The following HDAC9 variants were observed in gnomAD, a reference collection of about 807,000 sequenced individuals.
HDAC9 encodes the protein MEF-2 interacting transcription repressor (MITR) protein.
Under a neutral mutation model 139.4 loss-of-function variants are expected in HDAC9, and 41 were observed. That is an observed-to-expected ratio of 0.29 (90% CI 0.23 to 0.38). HDAC9 has a LOEUF of 0.38. Among genes scored for constraint, HDAC9 ranks in the 10% least tolerant of loss-of-function variants. The pLI, the probability that HDAC9 is intolerant of heterozygous loss-of-function variation, is 1.00. For synonymous variants in HDAC9, 517 were observed against 476.2 expected (o/e 1.09, Z -1.12); for missense variants, 1,147 against 1,297.0 (o/e 0.88, Z 1.78).
At chr7:18,882,531 CAGTA>C (rs896378303) in intron 22 of HDAC9, among the ~76,000 whole-genome samples, 5 of 151,340 alleles carry the variant, frequency 3.3e-5, no homozygotes, top group African/African-American at 1.2e-4. Flanking sequence ...TGGAAATAAA[CAGTA>C]AGAATTAAAG....
At chr7:18,510,127 C>T (rs1801026721) in intron 2 of HDAC9, among the ~76,000 whole-genome samples, 1 of 151,890 alleles carries the variant, frequency 6.6e-6, no homozygotes, top group Admixed American at 6.6e-5. Context: ...GCTTTTTGCC[C>T]CCAAATTAAA....
chr7:18,990,125 G>A (rs1332958354), intron 25 of HDAC9, among the ~76,000 whole-genome samples: 6 of 152,136 alleles, frequency 3.9e-5, no homozygotes, highest in Non-Finnish European at 7.3e-5. Context: ...AGGAGGAGAG[G>A]CACTCTGCGT....
chr7:18,297,551 A>G (rs780060529), intron 1 of HDAC9, among the ~76,000 whole-genome samples: 3 of 152,322 alleles, frequency 2.0e-5, no homozygotes, highest in Non-Finnish European at 4.4e-5. Context: ...ACATAAATAC[A>G]TAGTGGAATT....
intron 23 of HDAC9, among the ~76,000 whole-genome samples, chr7:18,938,926 G>A (rs1781840410): frequency 6.6e-6 from 1 of 152,174 alleles, no homozygotes; most frequent in South Asian, 2.1e-4. Flanking sequence ...AGAAAGACCA[G>A]GCTTGAGAAA....
chr7:18,982,764 C>A (rs1309417660), intron 25 of HDAC9, among the ~76,000 whole-genome samples: 2 of 152,098 alleles, frequency 1.3e-5, no homozygotes, highest in African/African-American at 4.8e-5. Flanking sequence ...ACTTATTTCA[C>A]CTCATTAAGC....
At chr7:18,913,988 T>C (rs1388383693) in intron 22 of HDAC9, among the ~76,000 whole-genome samples, 2 of 152,172 alleles carry the variant, frequency 1.3e-5, no homozygotes, top group East Asian at 1.9e-4. Context: ...AAAATTGATA[T>C]GTTAAAACCT....
intron 2 of HDAC9, among the ~76,000 whole-genome samples, chr7:18,501,646 A>G (rs1437071733): frequency 2.6e-5 from 4 of 152,116 alleles, no homozygotes; most frequent in East Asian, 1.9e-4. Context: ...CTATCCATCC[A>G]TCTCCTGAAG....
intron 1 of HDAC9, among the ~76,000 whole-genome samples, chr7:18,138,528 G>A (rs970003652): frequency 1.8e-4 from 2 of 11,316 alleles, no homozygotes; most frequent in Non-Finnish European, 3.2e-4. Flanking sequence ...AGAGAGAGAG[G>A]TGTGTGTGTG....
At chr7:18,980,715 CTCTTCTTCTTCCT>C (rs750333967) in intron 25 of HDAC9, among the ~76,000 whole-genome samples, 3 of 133,466 alleles carry the variant, frequency 2.2e-5, no homozygotes, top group African/African-American at 8.4e-5. Flanking sequence ...TTCCTTCTTC[CTCTTCTTCTTCCT>C]TCTTCTTCTT....
chr7:18,798,102 G>C (rs916140235), intron 17 of HDAC9, among the ~76,000 whole-genome samples: 1 of 151,820 alleles, frequency 6.6e-6, no homozygotes, highest in African/African-American at 2.4e-5. Context: ...TTTGAATAAT[G>C]CTATATGAAC....
chr7:18,932,670 A>G, intron 22 of HDAC9, among the ~76,000 whole-genome samples: 1 of 152,114 alleles, frequency 6.6e-6, no homozygotes, highest in Non-Finnish European at 1.5e-5. Flanking sequence ...GGAAGAGAAT[A>G]AATAGGAGAA....
intron 2 of HDAC9, among the ~76,000 whole-genome samples, chr7:18,205,220 C>T (rs1791416714): frequency 2.0e-5 from 3 of 151,904 alleles, no homozygotes; most frequent in Admixed American, 2.0e-4. Flanking sequence ...TTATTACATT[C>T]TAACATATAA....
At chr7:18,285,014 C>G (rs17731016) in intron 2 of HDAC9, among the ~76,000 whole-genome samples, 3,498 of 152,154 alleles carry the variant, frequency 0.023, 58 homozygotes, top group Middle Eastern at 0.037. Context: ...TTCACTTTAT[C>G]AAGGAGAAAA....
chr7:18,797,765 G>A (rs1284509660), intron 17 of HDAC9, among the ~76,000 whole-genome samples: 1 of 151,950 alleles, frequency 6.6e-6, no homozygotes, highest in Non-Finnish European at 1.5e-5. Flanking sequence ...GGAGGCAGGG[G>A]TTACAGTGAG....
At chr7:18,712,351 C>G (rs976670970) in intron 12 of HDAC9, among the ~76,000 whole-genome samples, 6 of 152,154 alleles carry the variant, frequency 3.9e-5, no homozygotes, top group Admixed American at 2.6e-4. Flanking sequence ...GGGATGGGCT[C>G]TAGCATGTGG....
chr7:18,224,011 G>T (rs991457067), intron 2 of HDAC9, among the ~76,000 whole-genome samples: 1 of 152,132 alleles, frequency 6.6e-6, no homozygotes, highest in Non-Finnish European at 1.5e-5. Flanking sequence ...CAGGAAAATA[G>T]TATGTCTTTT....
intron 1 of HDAC9, among the ~76,000 whole-genome samples, chr7:18,321,101 T>C (rs1799995374): frequency 6.6e-6 from 1 of 152,214 alleles, no homozygotes; most frequent in South Asian, 2.1e-4. Flanking sequence ...GCCTAAGGAC[T>C]CTAACATATG....
chr7:18,832,884 C>T (rs997376218), intron 19 of HDAC9, among the ~76,000 whole-genome samples: 5 of 152,080 alleles, frequency 3.3e-5, no homozygotes, highest in African/African-American at 1.2e-4. Flanking sequence ...TACAGGCATG[C>T]GCCACCATAC....
At chr7:18,373,615 C>T (rs962586311) in intron 1 of HDAC9, among the ~76,000 whole-genome samples, 1 of 152,104 alleles carries the variant, frequency 6.6e-6, no homozygotes, top group East Asian at 1.9e-4. Context: ...GTTAGAGATT[C>T]CATGCCAGGA....
Sources: gnomAD v4.1 joint callset for allele counts (sites outside exome capture counted in the v4.1 genomes callset) on GRCh38, gnomAD v4.1.1 for gene constraint, MANE v1.5 for transcripts, NCBI Gene and HGNC (gene_info 2026-07-23, HGNC 2026-07-21) for gene names.